RFX2: variants seen among roughly 807,000 people sequenced by gnomAD.
RFX2 encodes the protein regulatory factor X2.
In RFX2, 20 loss-of-function variants were observed where a neutral mutation model predicts 87.8. The observed-to-expected ratio is 0.23, with a 90% CI of 0.16 to 0.33. The LOEUF is 0.33. Among genes scored for constraint, RFX2 ranks in the 10% least tolerant of loss-of-function variants. The pLI, the probability that RFX2 is intolerant of heterozygous loss-of-function variation, is 1.00. For synonymous variants in RFX2, 397 were observed against 431.3 expected (o/e 0.92, Z 0.98); for missense variants, 767 against 1,012.3 (o/e 0.76, Z 3.29).
chr19:6,039,932 G>A lies in RFX2; in HGVS notation c.522+48C>T, dbSNP rs900037909. The A allele has an allele frequency of 1.2e-5, 18 of 1,485,160 alleles. No homozygotes were observed. Among genetic ancestry groups the A allele is most frequent in the Admixed American group, 8.5e-5 (4 of 46,784 alleles). 92.0% of individuals were successfully genotyped at this position (1,485,160 alleles called of 1,614,324 possible). ...TCACCATCCCTGCTGCCGCTGCTTC[G>A]AGAATACTCATGGCCTACCCTGCTG... On this transcript the variant is annotated intron_variant, in intron 5 of 17. Transcript: ENST00000303657. The surrounding 1 kb of genome is among the most constrained non-coding windows in gnomAD (Gnocchi z 5.2).
Position 6,070,231 on chromosome 19 carries a change from G to GATGGGATGTGGATGGGATGGA in RFX2, c.-8-22728_-8-22727insTCCATCCCATCCACATCCCAT, listed in dbSNP as rs2087585887. ...GATGGGATGGGATGGGATGGGATGG[G>GATGGGATGTGGATGGGATGGA]ATGGGATGGGATGTGGATGGGATGG... On this transcript the variant is annotated intron_variant, in intron 1 of 17. Transcript: ENST00000303657. Among the ~76,000 whole-genome samples, 3 of 3,708 alleles carry GATGGGATGTGGATGGGATGGA rather than the reference G, an allele frequency of 8.1e-4. 1 individual carries two copies. Among genetic ancestry groups the GATGGGATGTGGATGGGATGGA allele is most frequent in the South Asian group, 0.037 (2 of 54 alleles). The allele number at this position is 3,708 out of a possible 152,430, so 2.4% of individuals were successfully genotyped here.
chr19:6,027,721 A>G lies in RFX2; in HGVS notation c.523-1484T>C, dbSNP rs1213332232. ...CTATTAAAAAATACACTATTACAAA[A>G]TTTTGAGATTTCACCACCCACCCCT... On this transcript the variant is annotated intron_variant, in intron 5 of 17. Coordinates refer to ENST00000303657, the MANE Select transcript of RFX2 (RefSeq NM_000635.4). This position sits in a 1 kb window ranked among gnomAD's most constrained non-coding sequence, Gnocchi z 5.0. Among the ~76,000 whole-genome samples the G allele has an allele frequency of 6.6e-6, 1 of 152,166 alleles. No homozygotes were observed.
chr19:6,064,432 G>C lies in RFX2; in HGVS notation c.-8-16928C>G. On this transcript the variant is annotated intron_variant, in intron 1 of 17. Transcript: ENST00000303657. The surrounding 1 kb of genome is among the most constrained non-coding windows in gnomAD (Gnocchi z 4.8). ...TGGGGAATGTGCCAGTGAAAACCTGGCATGCGGAGGCCTCACCTCACTCAC... is the reference window on the plus strand; with the variant it reads ...TGGGGAATGTGCCAGTGAAAACCTGCCATGCGGAGGCCTCACCTCACTCAC... Among the ~76,000 whole-genome samples the C allele has an allele frequency of 6.6e-6, 1 of 152,232 alleles. No homozygotes were observed. The highest frequency in any genetic ancestry group is 1.9e-4 in the East Asian group (1 of 5,194).
At chr19:6,015,821 A>T (rs760685951) in intron 7 of RFX2, among the ~76,000 whole-genome samples, 1 of 152,194 alleles carries the variant, frequency 6.6e-6, no homozygotes, top group Non-Finnish European at 1.5e-5. Flanking sequence ...TCTAAAACAA[A>T]AAAAGAAAAG....
chr19:6,109,448 G>A (rs1439755341), intron 1 of RFX2: 1 of 152,348 alleles, frequency 6.6e-6, no homozygotes, highest in Non-Finnish European at 1.5e-5. Flanking sequence ...AAGGGCAAGA[G>A]GGGTTCTCCC....
chr19:6,015,675 T>G (rs979222882), intron 7 of RFX2, among the ~76,000 whole-genome samples: 2 of 151,972 alleles, frequency 1.3e-5, no homozygotes, highest in Non-Finnish European at 2.9e-5. Context: ...TAATTTTTAA[T>G]TTTTTTGTAG....
In RFX2 at chr19:6,045,659, T is replaced by G. The variant is rs942442959; in HGVS notation, c.91-1377A>C. ...GCCTTTTTGTTTTTGCGGAATTGTG[T>G]TTTTTTGTTTTTGTTTTTTTGTGTT... On this transcript the variant is annotated intron_variant, in intron 2 of 17. Transcript: ENST00000303657. This position sits in a 1 kb window ranked among gnomAD's most constrained non-coding sequence, Gnocchi z 5.2. Among the ~76,000 whole-genome samples, 1 of 148,084 alleles carries G rather than the reference T, an allele frequency of 6.8e-6. No homozygotes were observed. The highest frequency in any genetic ancestry group is 2.6e-5 in the African/African-American group (1 of 38,828).
intron 1 of RFX2, among the ~76,000 whole-genome samples, chr19:6,070,106 G>T (rs1314644227): frequency 1.0e-5 from 1 of 99,926 alleles, no homozygotes; most frequent in Non-Finnish European, 2.2e-5. Context: ...GGATGGGATG[G>T]GATGGGATGG....
Position 6,010,338 on chromosome 19 carries a change from T to C in RFX2, c.900-87A>G, listed in dbSNP as rs765005835. ...GACTGGGGGGCTGGGCAGGATTCAGTCAGGCATGTGTGTGTGATGTTTACA... is the reference window on the plus strand; with the variant it reads ...GACTGGGGGGCTGGGCAGGATTCAGCCAGGCATGTGTGTGTGATGTTTACA... On this transcript the variant is annotated intron_variant, in intron 8 of 17. Coordinates refer to ENST00000303657, the MANE Select transcript of RFX2 (RefSeq NM_000635.4). The surrounding 1 kb of genome is among the most constrained non-coding windows in gnomAD (Gnocchi z 5.0). 1 of 829,292 alleles carries C rather than the reference T, an allele frequency of 1.2e-6. No individual in the cohort carries two copies. The highest frequency in any genetic ancestry group is 2.0e-6 in the Non-Finnish European group (1 of 505,936). 51.4% of individuals were successfully genotyped at this position (829,292 alleles called of 1,614,324 possible).
In RFX2 at chr19:6,042,210, C is replaced by T; in HGVS notation, c.181-87G>A. 1.5e-5 allele frequency: 17 copies of T among 1,149,498 alleles called. No individual in the cohort carries two copies. The South Asian group carries it at 2.1e-4, about 14-fold the overall frequency. 71.2% of individuals were successfully genotyped at this position (1,149,498 alleles called of 1,614,324 possible). On this transcript the variant is annotated intron_variant, in intron 3 of 17. Transcript: ENST00000303657. Reference sequence around the variant, plus strand: ...TTCAAGCTAGACGTGTCTTCTATTGCCTTTATGAACATTTAGTACCAAATG... The same window carrying T: ...TTCAAGCTAGACGTGTCTTCTATTGTCTTTATGAACATTTAGTACCAAATG...
rs529673742 is a variant in RFX2, at chr19:6,016,362, C to G, written c.598-91G>C. Reference sequence around the variant, plus strand: ...CTCATTAAGAGAATTACTTGCGTTCCCTGTGTTACCAAATGGGATGAGGAA... The same window carrying G: ...CTCATTAAGAGAATTACTTGCGTTCGCTGTGTTACCAAATGGGATGAGGAA... On this transcript the variant is annotated intron_variant, in intron 6 of 17. Transcript: ENST00000303657. The surrounding 1 kb of genome is among the most constrained non-coding windows in gnomAD (Gnocchi z 5.4). 17 of 829,494 alleles carry G rather than the reference C, an allele frequency of 2.0e-5. No individual in the cohort carries two copies. In the East Asian group the frequency reaches 4.7e-4, roughly 23 times the overall value. 51.4% of individuals were successfully genotyped at this position (829,494 alleles called of 1,614,324 possible).
chr19:6,006,929 G>C, intron 12 of RFX2, 83 bp downstream of exon 12: 1 of 1,490,292 alleles, frequency 6.7e-7, no homozygotes, highest in East Asian at 2.3e-5. Context: ...GTCTGAGGTG[G>C]CTGAAGACGT....
chr19:6,059,186 C>T (rs2144803735), intron 1 of RFX2, among the ~76,000 whole-genome samples: 1 of 152,164 alleles, frequency 6.6e-6, no homozygotes, highest in Non-Finnish European at 1.5e-5. Context: ...TGCTATGTTG[C>T]CCAGAATGAT....
At chr19:6,085,171 T>C (rs2144868410) in intron 1 of RFX2, among the ~76,000 whole-genome samples, 1 of 152,046 alleles carries the variant, frequency 6.6e-6, no homozygotes, top group East Asian at 1.9e-4. Context: ...AGTGTACAAA[T>C]CCCTGTCTGA....
At chr19:6,081,131 C>A (rs1174578762) in intron 1 of RFX2, among the ~76,000 whole-genome samples, 3 of 151,670 alleles carry the variant, frequency 2.0e-5, no homozygotes, top group African/African-American at 7.3e-5. Context: ...TTTAAAAGAG[C>A]ACTCTTCTTA....
intron 6 of RFX2, among the ~76,000 whole-genome samples, chr19:6,018,989 G>A (rs375210660): frequency 1.3e-5 from 2 of 152,038 alleles, no homozygotes; most frequent in East Asian, 1.9e-4. Context: ...GGGACCCCTC[G>A]CCCTCTTGCT....
chr19:6,005,918 G>T (rs999949197), intron 12 of RFX2, among the ~76,000 whole-genome samples: 9 of 152,190 alleles, frequency 5.9e-5, no homozygotes, highest in Non-Finnish European at 1.0e-4. Flanking sequence ...ACCCCACATG[G>T]CCCTGGGCCA....
chr19:6,025,075 G>C (rs2086869017), intron 6 of RFX2, among the ~76,000 whole-genome samples: 1 of 152,200 alleles, frequency 6.6e-6, no homozygotes, highest in African/African-American at 2.4e-5. Flanking sequence ...GCAACTACTA[G>C]AAGGACATTC....
intron 1 of RFX2, among the ~76,000 whole-genome samples, chr19:6,088,654 A>G (rs1223828947): frequency 6.6e-6 from 1 of 152,204 alleles, no homozygotes; most frequent in African/African-American, 2.4e-5. Context: ...TCTCTCTCTT[A>G]GAGAAAGCAA....
Sources: allele counts gnomAD v4.1 joint callset (sites outside exome capture counted in the v4.1 genomes callset), GRCh38; gene constraint gnomAD v4.1.1; non-coding constraint Gnocchi (gnomAD v3.1); transcripts MANE v1.5; gene names NCBI Gene and HGNC (gene_info 2026-07-23, HGNC 2026-07-21).